Variants in CCDC14 observed in about 807,000 individuals in gnomAD.
CCDC14 encodes the protein coiled-coil domain containing 14.
CCDC14 carries 71 observed loss-of-function variants against 81.4 expected under a neutral mutation model. That is an observed-to-expected ratio of 0.87 (90% CI 0.72 to 1.06). The LOEUF is 1.06. Ranked by LOEUF, CCDC14 falls within the 50% of genes least tolerant of loss-of-function variation. The pLI is 0.00. For missense variants in CCDC14, 1,046 were observed against 1,047.3 expected, an observed-to-expected ratio of 1.00 and a Z score of 0.02; for synonymous variants, 332 against 364.8, an observed-to-expected ratio of 0.91 and a Z score of 1.03.
chr3:123,924,724 A>C (rs1242363024), intron 12 of CCDC14, among the ~76,000 whole-genome samples: 3 of 152,290 alleles, frequency 2.0e-5, no homozygotes, highest in African/African-American at 7.2e-5. Flanking sequence ...CACCTGTCAG[A>C]ATGGCTATTA....
intron 12 of CCDC14, among the ~76,000 whole-genome samples, chr3:123,926,075 A>G (rs1358055938): frequency 3.3e-5 from 5 of 152,198 alleles, no homozygotes; most frequent in African/African-American, 1.2e-4. Context: ...TATTTTCAGT[A>G]AAGGAATACT....
chr3:123,942,427 A>G (rs769019183), intron 9 of CCDC14, among the ~76,000 whole-genome samples: 29 of 152,106 alleles, frequency 1.9e-4, no homozygotes, highest in Non-Finnish European at 3.7e-4. Flanking sequence ...GGTCAAGACT[A>G]AAGATGATAT....
downstream of CCDC14, among the ~76,000 whole-genome samples, chr3:123,910,860 G>A (rs2034428948): frequency 6.6e-6 from 1 of 152,180 alleles, no homozygotes; most frequent in South Asian, 2.1e-4. Flanking sequence ...CAAACTATAT[G>A]ATAGTCACCA....
Position 123,956,042 on chromosome 3 carries a change from A to T in CCDC14, c.229+4T>A. The T allele has an allele frequency of 6.5e-7, 1 of 1,542,234 alleles. No individual in the cohort carries two copies. The highest frequency in any genetic ancestry group is 8.7e-7 in the Non-Finnish European group (1 of 1,144,184). Reference sequence around the variant, plus strand: ...TGATCAGCAAAGAATTAAAAAAAAAAAACCTGAATCTTCATTTCTCAAAAT... The same window carrying T: ...TGATCAGCAAAGAATTAAAAAAAAATAACCTGAATCTTCATTTCTCAAAAT... On this transcript the variant is annotated splice_donor_region_variant and intron_variant, in intron 4 of 12. Coordinates refer to ENST00000409697, the MANE Select transcript of CCDC14 (RefSeq NM_001366335.1).
intron 9 of CCDC14, among the ~76,000 whole-genome samples, chr3:123,941,618 T>A (rs1275598868): frequency 6.6e-6 from 1 of 151,944 alleles, no homozygotes; most frequent in Non-Finnish European, 1.5e-5. Flanking sequence ...ATCTAATAAA[T>A]TCTTCATTTT....
At chr3:123,936,695 G>T (rs1427564190) in intron 9 of CCDC14, among the ~76,000 whole-genome samples, 1 of 152,002 alleles carries the variant, frequency 6.6e-6, no homozygotes, top group Admixed American at 6.6e-5. Flanking sequence ...TAGGAGGGAG[G>T]GGAAGGTGGT....
chr3:123,888,178 G>A, the CCDC14 span, among the ~76,000 whole-genome samples: 3 of 152,076 alleles, frequency 2.0e-5, no homozygotes, highest in South Asian at 4.1e-4. Context: ...CACTCAGTGT[G>A]TATTAGCTTT....
At chr3:123,932,581 A>G (rs1401215406) in intron 10 of CCDC14, among the ~76,000 whole-genome samples, 1 of 152,164 alleles carries the variant, frequency 6.6e-6, no homozygotes, top group South Asian at 2.1e-4. Context: ...TTCTGGGGAC[A>G]TATTTTATCA....
chr3:123,931,038 T>G, intron 12 of CCDC14, 64 bp downstream of exon 12: 1 of 1,375,992 alleles, frequency 7.3e-7, no homozygotes, highest in Non-Finnish European at 9.7e-7. Context: ...AACATTATTT[T>G]GAAGTTTATA....
intron 9 of CCDC14, among the ~76,000 whole-genome samples, chr3:123,941,265 C>G (rs2036334877): frequency 6.6e-6 from 1 of 151,942 alleles, no homozygotes; most frequent in Non-Finnish European, 1.5e-5. Flanking sequence ...ATAACTATAT[C>G]AGAAGACACA....
chr3:123,895,944 T>G (rs1334856255), downstream of CCDC14, among the ~76,000 whole-genome samples: 1 of 152,234 alleles, frequency 6.6e-6, no homozygotes, highest in Non-Finnish European at 1.5e-5. Context: ...ATGAAATCAC[T>G]ATGTTGAAGA....
chr3:123,895,756 G>C (rs1484636571), downstream of CCDC14, among the ~76,000 whole-genome samples: 1 of 152,162 alleles, frequency 6.6e-6, no homozygotes, highest in African/African-American at 2.4e-5. Flanking sequence ...TGTTCTAAAG[G>C]CTAATTATTT....
At position 123,931,503 on chromosome 3, in the gene CCDC14, T is replaced by C. The variant is rs1482201781; in HGVS notation, c.1450A>G (p.Met484Val). The change falls in exon 11 of 13, where the codon ATG becomes GTG. Residue 484 changes from methionine to valine, a missense_variant. Physicochemically the swap from Met to Val is conservative, Grantham distance 21. Transcript: ENST00000409697. ...LELFSLQSLN[M>V]SLQNQLEESL... ...TCCTCCAATTGATTTTGCAGTGACA[T>C]ATTCAATGACTGAAGAGAAAACACT... 3.8e-6 allele frequency: 6 copies of C among 1,563,318 alleles called. No homozygotes were observed. The highest frequency in any genetic ancestry group is 3.8e-5 in the Admixed American group (2 of 52,628).
At chr3:123,922,601 T>C (rs2035118373) in intron 12 of CCDC14, among the ~76,000 whole-genome samples, 1 of 152,070 alleles carries the variant, frequency 6.6e-6, no homozygotes. Context: ...ACAAATTAGA[T>C]AACCCAGAAG....
At chr3:123,890,622 A>G in the CCDC14 span, among the ~76,000 whole-genome samples, 2 of 152,184 alleles carry the variant, frequency 1.3e-5, no homozygotes, top group Admixed American at 6.5e-5. Flanking sequence ...ACCAGGTCAC[A>G]CTGATGTGAG....
At position 123,913,903 on chromosome 3, in the gene CCDC14, A is replaced by G. The variant is rs773902069; in HGVS notation, c.*876T>C. 37 of 985,434 alleles carry G rather than the reference A, an allele frequency of 3.8e-5. No individual in the cohort carries two copies. The highest frequency in any genetic ancestry group is 4.5e-5 in the Non-Finnish European group (37 of 829,774). The allele number at this position is 985,434 out of a possible 1,614,324, so 61.0% of individuals were successfully genotyped here. On this transcript the variant is annotated 3_prime_UTR_variant, in exon 13 of 13. Coordinates refer to ENST00000409697, the MANE Select transcript of CCDC14 (RefSeq NM_001366335.1). Reference sequence around the variant, plus strand: ...AAGAAGTCCTGGTATAGAGAAGCAGAGAGACCAACCTACTTCATATTATTT... The same window carrying G: ...AAGAAGTCCTGGTATAGAGAAGCAGGGAGACCAACCTACTTCATATTATTT...
At chr3:123,934,270 CAAAAA>C (rs61094944) in intron 9 of CCDC14, among the ~76,000 whole-genome samples, 66 of 52,288 alleles carry the variant, frequency 1.3e-3, no homozygotes, top group African/African-American at 5.5e-3. Context: ...GACTCTGCCT[CAAAAA>C]AAAAAAAAAA....
chr3:123,894,931 T>G (rs995204459), downstream of CCDC14, among the ~76,000 whole-genome samples: 2 of 152,126 alleles, frequency 1.3e-5, no homozygotes, highest in African/African-American at 4.8e-5. Context: ...TCCCCTAAAC[T>G]CTGGCTAGTG....
chr3:123,955,818 A>C (rs2037288477), intron 5 of CCDC14, 25 bp downstream of exon 5: 9 of 1,471,892 alleles, frequency 6.1e-6, no homozygotes, highest in South Asian at 5.3e-5. Context: ...ATTATCTTTA[A>C]ATAACTAAGA....
Sources: gnomAD v4.1 joint callset for allele counts (sites outside exome capture counted in the v4.1 genomes callset) on GRCh38, gnomAD v4.1.1 for gene constraint, MANE v1.5 for transcripts, NCBI Gene and HGNC (gene_info 2026-07-23, HGNC 2026-07-21) for gene names.